Variants in CACNA2D1 observed in about 807,000 individuals in gnomAD.
CACNA2D1 encodes the protein calcium voltage-gated channel auxiliary subunit alpha2delta 1.
Under a neutral mutation model 171.5 loss-of-function variants are expected in CACNA2D1, and 53 were observed. The observed-to-expected ratio is 0.31, with a 90% CI of 0.25 to 0.39. CACNA2D1 has a LOEUF of 0.39. Among genes scored for constraint, CACNA2D1 ranks in the 10% least tolerant of loss-of-function variants. CACNA2D1 has a pLI of 1.00. For missense variants in CACNA2D1, 903 were observed against 1,299.8 expected (o/e 0.69, Z 4.69); for synonymous variants, 442 against 443.1 (o/e 1.00, Z 0.03).
intron 8 of CACNA2D1, among the ~76,000 whole-genome samples, chr7:82,064,739 C>T (rs1307766390): frequency 6.6e-6 from 1 of 151,690 alleles, no homozygotes; most frequent in Non-Finnish European, 1.5e-5. Flanking sequence ...AAAATAAGCA[C>T]AAAAAATAGA....
At chr7:82,115,965 T>G (rs1788992866) in intron 6 of CACNA2D1, among the ~76,000 whole-genome samples, 1 of 152,108 alleles carries the variant, frequency 6.6e-6, no homozygotes, top group Non-Finnish European at 1.5e-5. Context: ...TACTCAGAAA[T>G]TTGAAGGATT....
intron 3 of CACNA2D1, among the ~76,000 whole-genome samples, chr7:82,177,423 C>G (rs997643289): frequency 6.6e-6 from 1 of 152,016 alleles, no homozygotes; most frequent in Non-Finnish European, 1.5e-5. Flanking sequence ...AGAAATTCCA[C>G]AAGTTTCATG....
chr7:82,052,746 C>T (rs1805332723), intron 10 of CACNA2D1, among the ~76,000 whole-genome samples: 1 of 152,076 alleles, frequency 6.6e-6, no homozygotes, highest in South Asian at 2.1e-4. Context: ...AATAAATATT[C>T]CTGAAGATTT....
At chr7:82,414,972 T>C (rs568701977) in intron 1 of CACNA2D1, among the ~76,000 whole-genome samples, 2 of 152,228 alleles carry the variant, frequency 1.3e-5, no homozygotes, top group African/African-American at 4.8e-5. Context: ...TCACATTACC[T>C]TATTTAGGGG....
chr7:81,974,642 A>C (rs556197987), intron 24 of CACNA2D1, 90 bp from the exon 25 acceptor site: 1 of 645,930 alleles, frequency 1.5e-6, no homozygotes, highest in East Asian at 3.0e-5. Context: ...TTTTTTTTTT[A>C]TTAGCCACAA....
chr7:82,419,207 T>C (rs894570656), intron 1 of CACNA2D1, among the ~76,000 whole-genome samples: 4 of 152,086 alleles, frequency 2.6e-5, no homozygotes, highest in Non-Finnish European at 5.9e-5. Context: ...TTGGGGTCTC[T>C]GTAATTGTAC....
chr7:82,025,408 G>A (rs1584458790), intron 12 of CACNA2D1, among the ~76,000 whole-genome samples: 1 of 151,406 alleles, frequency 6.6e-6, no homozygotes, highest in Non-Finnish European at 1.5e-5. Flanking sequence ...TTCTTTTTGG[G>A]TCTATTGTAA....
In CACNA2D1 at chr7:81,950,209, C is replaced by T. The variant is rs1792359806; in HGVS notation, c.*183G>A. ...GCAGCATTCACACACGTTTAAGGAT[C>T]TGACACCCTGACATGCAGCCAGTGG... On this transcript the variant is annotated 3_prime_UTR_variant, in exon 39 of 39. Transcript: ENST00000356860. 4 of 1,007,362 alleles carry T rather than the reference C, an allele frequency of 4.0e-6. No individual in the cohort carries two copies. Among genetic ancestry groups the T allele is most frequent in the Middle Eastern group, 3.1e-4 (1 of 3,184 alleles). 62.4% of individuals were successfully genotyped at this position (1,007,362 alleles called of 1,614,324 possible). A position where few individuals can be genotyped will look rare whatever the true frequency, so the allele number is the denominator to read the frequency against.
rs141884800 is a variant in CACNA2D1, at chr7:82,083,106, C to T, written c.658+1663G>A. ...CTATATCATCATTTTCTCTCCGATA[C>T]TGGGCTCTTGACTGCTCATTATCAT... On this transcript the variant is annotated intron_variant, in intron 7 of 38. Transcript: ENST00000356860. 5.3e-3 allele frequency among the ~76,000 whole-genome samples: 802 copies of T among 151,922 alleles called. 5 individuals carry two copies. The highest frequency in any genetic ancestry group is 0.018 in the African/African-American group (756 of 41,438).
chr7:82,198,788 G>A (rs1799108246), intron 3 of CACNA2D1, among the ~76,000 whole-genome samples: 1 of 151,678 alleles, frequency 6.6e-6, no homozygotes, highest in Non-Finnish European at 1.5e-5. Context: ...ATACTATGCT[G>A]CTCCAGTTAA....
At chr7:82,094,396 T>C (rs1482813652) in intron 6 of CACNA2D1, among the ~76,000 whole-genome samples, 1 of 152,170 alleles carries the variant, frequency 6.6e-6, no homozygotes, top group Non-Finnish European at 1.5e-5. Flanking sequence ...ATTGTCCACA[T>C]ATACATGTAT....
chr7:82,237,062 A>G (rs1420969454), intron 3 of CACNA2D1, among the ~76,000 whole-genome samples: 1 of 151,976 alleles, frequency 6.6e-6, no homozygotes, highest in Non-Finnish European at 1.5e-5. Context: ...TTGTAAAATT[A>G]AAAATTACCA....
chr7:82,123,063 C>T (rs572912606), intron 5 of CACNA2D1, among the ~76,000 whole-genome samples: 37 of 152,204 alleles, frequency 2.4e-4, no homozygotes, highest in Non-Finnish European at 4.6e-4. Flanking sequence ...CGACTGGGAA[C>T]CCATGTTTAA....
intron 22 of CACNA2D1, 56 bp from the exon 23 acceptor site, chr7:81,983,390 GC>G: frequency 2.3e-6 from 3 of 1,299,688 alleles, no homozygotes; most frequent in Non-Finnish European, 3.3e-6. Flanking sequence ...AGAGGGTAAA[GC>G]AAAGGGGGTC....
At chr7:82,061,300 A>C (rs1308701806) in intron 9 of CACNA2D1, among the ~76,000 whole-genome samples, 2 of 152,076 alleles carry the variant, frequency 1.3e-5, no homozygotes, top group Non-Finnish European at 1.5e-5. Flanking sequence ...ATTCAGGCAA[A>C]ATCCCTTATT....
At chr7:81,974,585 T>TA in intron 24 of CACNA2D1, 33 bp from the exon 25 acceptor site, 4 of 1,155,618 alleles carry the variant, frequency 3.5e-6, no homozygotes, top group Non-Finnish European at 5.1e-6. Context: ...TATTAGATAT[T>TA]AAAATCAAAA....
At chr7:82,320,560 T>C (rs1432151756) in intron 3 of CACNA2D1, among the ~76,000 whole-genome samples, 2 of 149,358 alleles carry the variant, frequency 1.3e-5, no homozygotes, top group Non-Finnish European at 3.0e-5. Context: ...TACAGGTACA[T>C]GCCACCACAC....
chr7:82,012,253 GGA>G lies in CACNA2D1; in HGVS notation c.1273-12_1273-11del. The G allele has an allele frequency of 1.5e-6, 2 of 1,297,820 alleles. No individual in the cohort carries two copies. The highest frequency in any genetic ancestry group is 2.1e-6 in the Non-Finnish European group (2 of 950,946). The allele number at this position is 1,297,820 out of a possible 1,614,324, so 80.4% of individuals were successfully genotyped here. On this transcript the variant is annotated splice_polypyrimidine_tract_variant and intron_variant, in intron 14 of 38. Transcript: ENST00000356860. ...AAACATCCAAATATTCCTGTTTATG[GGA>G]AAAAAAAAAAAAGTCGTGGTTAAAA...
At chr7:82,144,212 T>C (rs1318131352) in intron 4 of CACNA2D1, among the ~76,000 whole-genome samples, 1 of 152,122 alleles carries the variant, frequency 6.6e-6, no homozygotes, top group Non-Finnish European at 1.5e-5. Flanking sequence ...CTAGTAAGAA[T>C]TTGGTTTCCA....
Sources: allele counts gnomAD v4.1 joint callset (sites outside exome capture counted in the v4.1 genomes callset), GRCh38; gene constraint gnomAD v4.1.1; transcripts MANE v1.5; gene names NCBI Gene and HGNC (gene_info 2026-07-23, HGNC 2026-07-21).